SNX8: variants seen among roughly 807,000 people sequenced by gnomAD.
The protein encoded by SNX8 is sorting nexin 8.
SNX8 carries 25 observed loss-of-function variants against 51.6 expected under a neutral mutation model. The observed-to-expected ratio is 0.48, with a 90% CI of 0.35 to 0.68. The LOEUF (loss-of-function observed/expected upper bound fraction) is 0.68. SNX8 is among the 30% of genes least tolerant of loss of function. SNX8 has a pLI of 0.00. For synonymous variants in SNX8, 324 were observed against 277.0 expected, an observed-to-expected ratio of 1.17 and a Z score of -1.68; for missense variants, 695 against 624.0, an observed-to-expected ratio of 1.11 and a Z score of -1.21.
At chr7:2,327,978 G>A in intron 1 of SNX8, among the ~76,000 whole-genome samples, 1 of 151,834 alleles carries the variant, frequency 6.6e-6, no homozygotes, top group East Asian at 1.9e-4. Flanking sequence ...GGACCCTCCT[G>A]TCCCAGCTTC....
At chr7:2,308,896 T>A (rs554390763) in intron 1 of SNX8, among the ~76,000 whole-genome samples, 1 of 150,980 alleles carries the variant, frequency 6.6e-6, no homozygotes, top group East Asian at 2.0e-4. Flanking sequence ...TTAACGCAAT[T>A]CTCCCACCTC....
chr7:2,269,312 G>A (rs1795579617), intron 5 of SNX8, among the ~76,000 whole-genome samples: 1 of 151,008 alleles, frequency 6.6e-6, no homozygotes, highest in Non-Finnish European at 1.5e-5. Context: ...ATGCTTGAAG[G>A]CAGCATGCTC....
chr7:2,285,496 G>C (rs74424166), intron 1 of SNX8, among the ~76,000 whole-genome samples: 118 of 152,280 alleles, frequency 7.7e-4, no homozygotes, highest in African/African-American at 2.2e-3. Flanking sequence ...CATGGCATTA[G>C]ACATGAGAGT....
chr7:2,336,903 G>A (rs527461043), intron 1 of SNX8, among the ~76,000 whole-genome samples: 3 of 151,482 alleles, frequency 2.0e-5, no homozygotes, highest in Admixed American at 6.6e-5. Flanking sequence ...CAGCTACTCC[G>A]GAGCCTGAGG....
At chr7:2,270,219 A>G (rs2115118451) in intron 4 of SNX8, among the ~76,000 whole-genome samples, 1 of 146,082 alleles carries the variant, frequency 6.8e-6, no homozygotes, top group African/African-American at 2.5e-5. Flanking sequence ...CCCAGGAGAT[A>G]CAAGGGGAAA....
At chr7:2,346,853 G>T (rs1779039667) in intron 1 of SNX8, among the ~76,000 whole-genome samples, 1 of 149,006 alleles carries the variant, frequency 6.7e-6, no homozygotes, top group Admixed American at 6.7e-5. Context: ...CTGGGAGGTG[G>T]AGGCTGCAGT....
Position 2,320,294 on chromosome 7 carries a change from G to C in SNX8, c.-66+33928C>G, listed in dbSNP as rs113283129. Among the ~76,000 whole-genome samples, 341 of 152,258 alleles carry C rather than the reference G, an allele frequency of 2.2e-3. 1 individual carries two copies. The highest frequency in any genetic ancestry group is 4.1e-3 in the Non-Finnish European group (276 of 68,014). ...TGCTTGAACCTGGGAGGCGGAGGTT[G>C]TGGGGGAGGATTTTTTTTAAAGTTC... On this transcript the variant is annotated intron_variant, in intron 1 of 5. Transcript: ENST00000435336.
chr7:2,346,176 C>T (rs1779020671), intron 1 of SNX8, among the ~76,000 whole-genome samples: 6 of 152,098 alleles, frequency 3.9e-5, no homozygotes, highest in Admixed American at 3.9e-4. Flanking sequence ...ACATTACTTA[C>T]AGGTACATGA....
intron 1 of SNX8, among the ~76,000 whole-genome samples, chr7:2,327,588 T>A (rs1389455122): frequency 6.6e-6 from 1 of 152,200 alleles, no homozygotes; most frequent in African/African-American, 2.4e-5. Flanking sequence ...TTTGTGTTTT[T>A]AGTAGAGATG....
At chr7:2,305,244 G>T (rs995127287) in intron 1 of SNX8, among the ~76,000 whole-genome samples, 11 of 152,142 alleles carry the variant, frequency 7.2e-5, no homozygotes, top group African/African-American at 2.4e-4. Flanking sequence ...CACCCTAAAG[G>T]CACCTCCCTC....
At chr7:2,285,015 A>C (rs983858155) in intron 1 of SNX8, among the ~76,000 whole-genome samples, 19 of 151,938 alleles carry the variant, frequency 1.3e-4, no homozygotes, top group African/African-American at 4.3e-4. Context: ...GATCGAGACC[A>C]TCCTGGCTAA....
Position 2,257,542 on chromosome 7 carries a change from G to A in SNX8, c.985-28C>T, listed in dbSNP as rs1230517754. The A allele has an allele frequency of 2.5e-6, 4 of 1,599,010 alleles. No homozygotes were observed. The South Asian group carries it at 3.3e-5, about 13-fold the overall frequency. On this transcript the variant is annotated intron_variant, in intron 8 of 10. Coordinates refer to ENST00000222990, the MANE Select transcript of SNX8 (RefSeq NM_013321.4). ...GCGGGGCCGGGGGAGGCATTCGCCCGCTGTCTGGATGCCTGCGCCAGGGCC... is the reference window on the plus strand; with the variant it reads ...GCGGGGCCGGGGGAGGCATTCGCCCACTGTCTGGATGCCTGCGCCAGGGCC...
intron 1 of SNX8, among the ~76,000 whole-genome samples, chr7:2,298,035 TA>T (rs1331195791): frequency 5.3e-5 from 8 of 151,938 alleles, no homozygotes; most frequent in Admixed American, 2.6e-4. Flanking sequence ...GAAATAAAAA[TA>T]TTTTTTTAAA....
intron 1 of SNX8, among the ~76,000 whole-genome samples, chr7:2,281,232 C>T (rs1584696351): frequency 6.6e-6 from 1 of 152,140 alleles, no homozygotes; most frequent in East Asian, 1.9e-4. Context: ...AAAGACCAGC[C>T]TGGGCAACAT....
chr7:2,328,625 CA>C (rs1242279064), intron 1 of SNX8, among the ~76,000 whole-genome samples: 3 of 151,100 alleles, frequency 2.0e-5, no homozygotes, highest in African/African-American at 7.3e-5. Context: ...CCAGTGTGGC[CA>C]ACATGGTGAA....
At chr7:2,318,620 G>A (rs1796790915), upstream of SNX8, among the ~76,000 whole-genome samples, 1 of 151,896 alleles carries the variant, frequency 6.6e-6, no homozygotes, top group African/African-American at 2.4e-5. Context: ...GCTTGAACCT[G>A]GGAGGCAGAT....
intron 1 of SNX8, among the ~76,000 whole-genome samples, chr7:2,301,928 C>T (rs144711800): frequency 5.7e-4 from 87 of 152,308 alleles, no homozygotes; most frequent in African/African-American, 2.0e-3. Flanking sequence ...GAATGCAGAG[C>T]ACATTGTCCA....
chr7:2,312,424 G>A (rs1054147436), intron 1 of SNX8, among the ~76,000 whole-genome samples: 2 of 152,092 alleles, frequency 1.3e-5, no homozygotes, highest in Non-Finnish European at 2.9e-5. Flanking sequence ...GTGACCCCTC[G>A]GAAAGGGTCC....
rs1795747049 is a variant in SNX8, at chr7:2,275,162, T to C, written c.368A>G (p.Lys123Arg). 6.2e-7 allele frequency: 1 copy of C among 1,614,164 alleles called. No homozygotes were observed. The highest frequency in any genetic ancestry group is 1.3e-5 in the African/African-American group (1 of 75,066). ...GGCAGGCACCATACGGTAGGGGAAC[T>C]TGTGCAGGAGCATCTCCTGGAAGAC... ...FVVFQEMLLH[K>R]FPYRMVPALP... Residue 123 changes from lysine (K) to arginine (R), a missense_variant, in exon 3 of 11, where the codon AAG (lysine) becomes AGG (arginine). By Grantham distance (26) the Lys-to-Arg change is conservative (BLOSUM62 2). Transcript: ENST00000222990.
Sources: allele counts gnomAD v4.1 joint callset (sites outside exome capture counted in the v4.1 genomes callset), GRCh38; gene constraint gnomAD v4.1.1; transcripts MANE v1.5; gene names NCBI Gene and HGNC (gene_info 2026-07-23, HGNC 2026-07-21).